DAPK1: variants seen among roughly 807,000 people sequenced by gnomAD.
DAPK1 encodes death-associated protein kinase 1.
DAPK1 carries 56 observed loss-of-function variants against 144.9 expected under a neutral mutation model. That is an observed-to-expected ratio of 0.39 (90% confidence interval 0.31 to 0.48). The LOEUF (loss-of-function observed/expected upper bound fraction) is 0.48. DAPK1 is among the 20% of genes least tolerant of loss of function. DAPK1 has a pLI of 0.95. For synonymous variants in DAPK1, 690 were observed against 749.0 expected, an observed-to-expected ratio of 0.92 and a Z score of 1.29; for missense variants, 1,454 against 1,875.4, an observed-to-expected ratio of 0.78 and a Z score of 4.15.
intron 13 of DAPK1, among the ~76,000 whole-genome samples, chr9:87,647,074 C>T (rs1830293367): frequency 6.6e-6 from 1 of 152,214 alleles, no homozygotes; most frequent in Admixed American, 6.5e-5. Context: ...AAAAGTGGTA[C>T]AGAGAGTTCC....
intron 24 of DAPK1, among the ~76,000 whole-genome samples, chr9:87,701,116 G>A (rs1236506315): frequency 1.3e-5 from 2 of 152,120 alleles, no homozygotes; most frequent in African/African-American, 4.8e-5. Flanking sequence ...AGGAGGAAAA[G>A]CTTAGAGGGT....
intron 3 of DAPK1, among the ~76,000 whole-genome samples, chr9:87,635,894 G>A (rs761380342): frequency 7.9e-5 from 12 of 152,168 alleles, no homozygotes; most frequent in Non-Finnish European, 1.6e-4. Flanking sequence ...GGTGCGGGGC[G>A]CCCCAGAGAG....
intron 3 of DAPK1, among the ~76,000 whole-genome samples, chr9:87,628,348 T>G (rs1206683436): frequency 6.6e-6 from 1 of 152,222 alleles, no homozygotes; most frequent in Non-Finnish European, 1.5e-5. Context: ...TTCGTTGATA[T>G]GATTCATTTA....
At chr9:87,527,285 T>C (rs7847618) in intron 2 of DAPK1, among the ~76,000 whole-genome samples, 67,853 of 152,056 alleles carry the variant, frequency 0.45, 15,423 homozygotes, top group South Asian at 0.57. Context: ...CCTTCAGATC[T>C]TCTGCGCTAG....
intron 18 of DAPK1, among the ~76,000 whole-genome samples, chr9:87,665,296 C>T (rs1043610183): frequency 1.1e-4 from 17 of 152,086 alleles, no homozygotes; most frequent in South Asian, 2.1e-4. Flanking sequence ...GCATAATACG[C>T]ACTCAGTAAA....
chr9:87,605,904 A>T (rs1397544017), intron 3 of DAPK1, among the ~76,000 whole-genome samples: 1 of 152,164 alleles, frequency 6.6e-6, no homozygotes, highest in African/African-American at 2.4e-5. Flanking sequence ...GAGGACAGGA[A>T]GCCAGCTTGG....
rs1035639818 is a variant in DAPK1, at chr9:87,552,599, CT to C, written c.63-52346del. Among the ~76,000 whole-genome samples the C allele has an allele frequency of 3.4e-4, 51 of 150,326 alleles. No individual in the cohort carries two copies. In the South Asian group the frequency reaches 0.01, roughly 30 times the overall value. On this transcript the variant is annotated intron_variant, in intron 2 of 25. Transcript: ENST00000408954. ...AATGCACGTGCTTTAAAATGTACCT[CT>C]TTTTTTTTGGAGACAAGGTCTTGCT...
chr9:87,525,435 G>A (rs1825468928), intron 2 of DAPK1: 36 of 1,610,058 alleles, frequency 2.2e-5, no homozygotes, highest in East Asian at 4.5e-5. Context: ...CAGTGTTTCC[G>A]TCAGTACGCG....
At chr9:87,649,009 C>A in intron 15 of DAPK1, 130 bp downstream of exon 15, 1 of 774,988 alleles carries the variant, frequency 1.3e-6, no homozygotes, top group East Asian at 2.6e-5. Context: ...GAGGGCAAGG[C>A]TCAAGGGGCA....
In DAPK1 at chr9:87,498,951, T is replaced by C; in HGVS notation, c.-108-19T>C. ...TTGCCATTTTACTATTATTATTGCC[T>C]TTTTTTTTTCTTCAAAAGGACTGGA... is the stretch of plus-strand genomic sequence containing the variant. On this transcript the variant is annotated intron_variant, in intron 1 of 25. Coordinates refer to ENST00000408954, the MANE Select transcript of DAPK1 (RefSeq NM_004938.4). 6 of 598,882 alleles carry C rather than the reference T, an allele frequency of 1.0e-5. No individual in the cohort carries two copies. In the South Asian group the frequency reaches 1.6e-4, roughly 15 times the overall value. The allele number at this position is 598,882 out of a possible 1,614,324, so 37.1% of individuals were successfully genotyped here.
intron 2 of DAPK1, among the ~76,000 whole-genome samples, chr9:87,565,433 C>T (rs767804993): frequency 6.6e-6 from 1 of 152,212 alleles, no homozygotes; most frequent in East Asian, 1.9e-4. Context: ...TCCAATGCCC[C>T]CTATTTTATG....
chr9:87,612,318 C>G (rs1189261427), intron 3 of DAPK1, among the ~76,000 whole-genome samples: 1 of 152,150 alleles, frequency 6.6e-6, no homozygotes, highest in Admixed American at 6.5e-5. Context: ...TGAGGTCATA[C>G]TGGAATAGCA....
chr9:87,568,849 A>C (rs1261901098), intron 2 of DAPK1, among the ~76,000 whole-genome samples: 2 of 152,210 alleles, frequency 1.3e-5, no homozygotes, highest in African/African-American at 4.8e-5. Context: ...TGGGTGGGAA[A>C]GGGGAGCTCT....
intron 2 of DAPK1, among the ~76,000 whole-genome samples, chr9:87,557,075 C>A (rs939791185): frequency 1.3e-5 from 2 of 152,174 alleles, no homozygotes; most frequent in African/African-American, 4.8e-5. Context: ...CTTCCCCTCA[C>A]CCTTCCCTCT....
At chr9:87,529,305 C>T (rs980330421) in intron 2 of DAPK1, among the ~76,000 whole-genome samples, 3 of 152,296 alleles carry the variant, frequency 2.0e-5, no homozygotes, top group South Asian at 2.1e-4. Context: ...CCCCCTTGGT[C>T]GAATTCTTTC....
intron 2 of DAPK1, among the ~76,000 whole-genome samples, chr9:87,581,469 G>T (rs1827751170): frequency 6.6e-6 from 1 of 151,916 alleles, no homozygotes; most frequent in African/African-American, 2.4e-5. Flanking sequence ...ACAATATCCT[G>T]AAATCAAAAT....
chr9:87,618,442 A>T (rs1379662325), intron 3 of DAPK1, among the ~76,000 whole-genome samples: 2 of 152,260 alleles, frequency 1.3e-5, no homozygotes, highest in Non-Finnish European at 2.9e-5. Context: ...TGTACCCAAG[A>T]GACATGAAAA....
chr9:87,632,165 G>T, intron 3 of DAPK1: 1 of 849,466 alleles, frequency 1.2e-6, no homozygotes, highest in Non-Finnish European at 1.4e-6. Context: ...TGTATGTAGA[G>T]ATGAAGGAGT....
At chr9:87,669,908 G>T (rs1003598108) in intron 19 of DAPK1, among the ~76,000 whole-genome samples, 5 of 152,144 alleles carry the variant, frequency 3.3e-5, no homozygotes, top group Admixed American at 1.3e-4. Context: ...ACACCCTTCT[G>T]CTTTGGATTC....
Sources: gnomAD v4.1 joint callset for allele counts (sites outside exome capture counted in the v4.1 genomes callset) on GRCh38, gnomAD v4.1.1 for gene constraint, MANE v1.5 for transcripts, NCBI Gene and HGNC (gene_info 2026-07-23, HGNC 2026-07-21) for gene names.